Variants in ITPKB observed in about 807,000 individuals in gnomAD.
ITPKB encodes inositol-trisphosphate 3-kinase B, also known as IP3 3-kinase B.
Under a neutral mutation model 69.4 loss-of-function variants are expected in ITPKB, and 13 were observed. That is an observed-to-expected ratio of 0.19 (90% CI 0.12 to 0.30). ITPKB has a LOEUF of 0.30. Among genes scored for constraint, ITPKB ranks in the 10% least tolerant of loss-of-function variants. The pLI is 1.00. For synonymous variants in ITPKB, 584 were observed against 513.7 expected (o/e 1.14, Z -1.85); for missense variants, 1,240 against 1,250.5 (o/e 0.99, Z 0.13).
At chr1:226,679,125 T>C (rs1322918801) in intron 2 of ITPKB, among the ~76,000 whole-genome samples, 3 of 152,182 alleles carry the variant, frequency 2.0e-5, no homozygotes, top group East Asian at 3.8e-4. Flanking sequence ...CCAGTATCTC[T>C]TCCTGCAGGT....
rs572562585 is a variant in ITPKB at position 226,690,891 on chromosome 1, G to C, written c.1933-42120C>G. 3.9e-4 allele frequency among the ~76,000 whole-genome samples: 60 copies of C among 152,328 alleles called. No individual in the cohort carries two copies. The South Asian group carries it at 0.012, about 31-fold the overall frequency. On this transcript the variant is annotated intron_variant, in intron 2 of 7. Transcript: ENST00000429204. ...TGGATTATCATTCAGCCTTAAAAGG[G>C]AAGGAAATTCTGACACATGCTACAA...
At chr1:226,695,858 A>C (rs887091133) in intron 2 of ITPKB, among the ~76,000 whole-genome samples, 1 of 152,182 alleles carries the variant, frequency 6.6e-6, no homozygotes, top group East Asian at 1.9e-4. Context: ...GAGCCCCCCA[A>C]ACCCAGGGGG....
intron 2 of ITPKB, among the ~76,000 whole-genome samples, chr1:226,713,060 A>T (rs1657010063): frequency 6.6e-6 from 1 of 152,036 alleles, no homozygotes; most frequent in African/African-American, 2.4e-5. Flanking sequence ...ACACACATGC[A>T]TGCACACACA....
At position 226,637,649 on chromosome 1, in the gene ITPKB, T is replaced by C; in HGVS notation, c.2625+30A>G. ...AGGCCTGTTGGCACGCGCAGCATTC[T>C]GCTCAAGAGGGCAAAAGCCCAGTAT... On this transcript the variant is annotated intron_variant, in intron 7 of 7. Transcript: ENST00000429204. The surrounding 1 kb of genome is among the most constrained non-coding windows in gnomAD (Gnocchi z 4.3). The C allele has an allele frequency of 6.4e-7, 1 of 1,564,514 alleles. No individual in the cohort carries two copies. The highest frequency in any genetic ancestry group is 1.1e-5 in the South Asian group (1 of 89,726).
At chr1:226,678,688 G>C (rs1270493815) in intron 2 of ITPKB, among the ~76,000 whole-genome samples, 1 of 152,202 alleles carries the variant, frequency 6.6e-6, no homozygotes, top group Non-Finnish European at 1.5e-5. Context: ...CCTGGCCAGA[G>C]AGAAAAAGGG....
intron 2 of ITPKB, among the ~76,000 whole-genome samples, chr1:226,728,748 C>G (rs1216040154): frequency 6.6e-6 from 1 of 152,180 alleles, no homozygotes; most frequent in Non-Finnish European, 1.5e-5. Flanking sequence ...TAATTGAACG[C>G]TCACCACTCC....
intron 1 of ITPKB, 48 bp from the exon 2 acceptor site, chr1:226,737,711 G>C: frequency 1.9e-6 from 1 of 513,202 alleles, no homozygotes; most frequent in Non-Finnish European, 2.6e-6. Flanking sequence ...GGCGCGCGGG[G>C]GGAGTTGGGG....
chr1:226,738,397 A>T lies in ITPKB; in HGVS notation c.-206+644T>A, dbSNP rs1657879002. Reference sequence around the variant, plus strand: ...GAGTGTGGGCGCACCGAGGTTCTACACGTTCTCTTTACCGGAACCAGTACT... The same window carrying T: ...GAGTGTGGGCGCACCGAGGTTCTACTCGTTCTCTTTACCGGAACCAGTACT... On this transcript the variant is annotated intron_variant, in intron 1 of 7. Transcript: ENST00000429204. The surrounding 1 kb of genome is among the most constrained non-coding windows in gnomAD (Gnocchi z 4.2). Among the ~76,000 whole-genome samples the T allele has an allele frequency of 6.6e-6, 1 of 152,172 alleles. No individual in the cohort carries two copies. The highest frequency in any genetic ancestry group is 1.5e-5 in the Non-Finnish European group (1 of 68,006).
At chr1:226,712,562 A>C (rs2102638202) in intron 2 of ITPKB, among the ~76,000 whole-genome samples, 1 of 152,302 alleles carries the variant, frequency 6.6e-6, no homozygotes, top group East Asian at 1.9e-4. Flanking sequence ...AAAGACGTTG[A>C]AGGGAAGGTG....
chr1:226,647,331 C>A lies in ITPKB; in HGVS notation c.2082G>T (p.Glu694Asp), dbSNP rs1669082336. The A allele has an allele frequency of 6.2e-7, 1 of 1,614,072 alleles. No homozygotes were observed. Among genetic ancestry groups the A allele is most frequent in the African/African-American group, 1.3e-5 (1 of 74,948 alleles). Residue 694 changes from glutamate (E) to aspartate (D), a missense_variant, in exon 4 of 8, where the codon GAG (glutamate) becomes GAT (aspartate). By Grantham distance (45) the Glu-to-Asp change is conservative. Around this residue, in one of 2 missense-constraint regions of ITPKB, gnomAD observed 248 missense variants for 396.7 expected, o/e 0.63. Transcript: ENST00000429204. ...ANGRILKKHC[E>D]SEQRCLDRLM... is the part of the protein sequence containing the mutation. Reference sequence around the variant, plus strand: ...GCCGGTCCAGGCAGCGCTGCTCTGACTCACAGTGCTTCTTCAGGATCCTGC... The same window carrying A: ...GCCGGTCCAGGCAGCGCTGCTCTGAATCACAGTGCTTCTTCAGGATCCTGC...
At chr1:226,712,236 G>C (rs1412738055) in intron 2 of ITPKB, among the ~76,000 whole-genome samples, 1 of 152,196 alleles carries the variant, frequency 6.6e-6, no homozygotes, top group African/African-American at 2.4e-5. Context: ...CCCTCTCTCT[G>C]AGTCCTGCTG....
chr1:226,683,458 C>T (rs1450830320), intron 2 of ITPKB, among the ~76,000 whole-genome samples: 1 of 152,124 alleles, frequency 6.6e-6, no homozygotes, highest in Non-Finnish European at 1.5e-5. Flanking sequence ...ATGACTTGCT[C>T]CCAGTCACAG....
At chr1:226,686,222 G>T (rs1009512651) in intron 2 of ITPKB, among the ~76,000 whole-genome samples, 2 of 152,206 alleles carry the variant, frequency 1.3e-5, no homozygotes, top group African/African-American at 4.8e-5. Flanking sequence ...AATCACAGAA[G>T]CATCTGCTCT....
rs911523421 is a variant in ITPKB, at chr1:226,641,295, A to G, written c.2451+626T>C. Among the ~76,000 whole-genome samples the G allele has an allele frequency of 2.6e-5, 4 of 152,256 alleles. No homozygotes were observed. Among genetic ancestry groups the G allele is most frequent in the Non-Finnish European group, 4.4e-5 (3 of 68,046 alleles). On this transcript the variant is annotated intron_variant, in intron 5 of 7. Transcript: ENST00000429204. The surrounding 1 kb of genome is among the most constrained non-coding windows in gnomAD (Gnocchi z 4.6). ...CTAAGAACTTTCCTGCCAGATACAC[A>G]TAGGTACAAAGGGATAGAAGGGAAA...
chr1:226,637,633 G>T lies in ITPKB; in HGVS notation c.2625+46C>A. 1 of 1,450,126 alleles carries T rather than the reference G, an allele frequency of 6.9e-7. No individual in the cohort carries two copies. Among genetic ancestry groups the T allele is most frequent in the Non-Finnish European group, 9.7e-7 (1 of 1,032,798 alleles). The allele number at this position is 1,450,126 out of a possible 1,614,324, so 89.8% of individuals were successfully genotyped here. On this transcript the variant is annotated intron_variant, in intron 7 of 7. Coordinates refer to ENST00000429204, the MANE Select transcript of ITPKB (RefSeq NM_002221.4). The surrounding 1 kb of genome is among the most constrained non-coding windows in gnomAD (Gnocchi z 4.3). The stretch of plus-strand genomic sequence containing the variant: ...TGGAAGGAGAAGGAGAAGGCCTGTT[G>T]GCACGCGCAGCATTCTGCTCAAGAG...
intron 2 of ITPKB, among the ~76,000 whole-genome samples, chr1:226,688,994 G>A (rs775914140): frequency 1.3e-5 from 2 of 151,998 alleles, no homozygotes; most frequent in Non-Finnish European, 1.5e-5. Context: ...TTTGCTCTCC[G>A]ACCTCTTTAG....
At chr1:226,693,828 A>C (rs1229577429) in intron 2 of ITPKB, among the ~76,000 whole-genome samples, 1 of 152,202 alleles carries the variant, frequency 6.6e-6, no homozygotes, top group African/African-American at 2.4e-5. Context: ...AGTTTACTCA[A>C]AAAGCTCCAC....
chr1:226,735,777 C>T lies in ITPKB; in HGVS notation c.1682G>A (p.Cys561Tyr). 1 of 1,601,610 alleles carries T rather than the reference C, an allele frequency of 6.2e-7. No individual in the cohort carries two copies. The highest frequency in any genetic ancestry group is 8.5e-7 in the Non-Finnish European group (1 of 1,170,214). The change falls in exon 2 of 8, where the codon TGC becomes TAC. Residue 561 changes from cysteine to tyrosine, a missense_variant. By Grantham distance (194) the Cys-to-Tyr change is radical. Coordinates refer to ENST00000429204, the MANE Select transcript of ITPKB (RefSeq NM_002221.4). ...DPDKPFLRKA[C>Y]SPSNIPAVII... ...GACAGCAGGTATGTTGCTGGGGCTGCAGGCCTTCCTCAGGAAAGGCTTGTC... is the reference window on the plus strand; with the variant it reads ...GACAGCAGGTATGTTGCTGGGGCTGTAGGCCTTCCTCAGGAAAGGCTTGTC...
intron 2 of ITPKB, chr1:226,707,866 T>C: frequency 7.7e-7 from 1 of 1,295,370 alleles, no homozygotes; most frequent in South Asian, 1.3e-5. Flanking sequence ...TTCTTGGTAT[T>C]GGACGTTGCC....
Sources: gnomAD v4.1 joint callset for allele counts (sites outside exome capture counted in the v4.1 genomes callset) on GRCh38, gnomAD v4.1.1 for gene constraint, gnomAD v4.1.1 regional missense constraint, Gnocchi (gnomAD v3.1) non-coding constraint, MANE v1.5 for transcripts, NCBI Gene and HGNC (gene_info 2026-07-23, HGNC 2026-07-21) for gene names.